AKAP13: variants seen among roughly 807,000 people sequenced by gnomAD.
AKAP13 encodes A-kinase anchoring protein 13, also known as A-kinase anchor protein 13.
A neutral mutation model predicts 264.5 loss-of-function variants in AKAP13; 80 were observed. That is an observed-to-expected ratio of 0.30 (90% CI 0.25 to 0.36). AKAP13 has a LOEUF of 0.36. Among genes scored for constraint, AKAP13 ranks in the 10% least tolerant of loss-of-function variants. The probability of loss-of-function intolerance (pLI) is 1.00; values close to 1 mark genes in which losing one functional copy is unlikely to be tolerated. For missense variants in AKAP13, 3,712 were observed against 3,435.2 expected (o/e 1.08, Z -2.01); for synonymous variants, 1,380 against 1,250.2 (o/e 1.10, Z -2.19).
intron 1 of AKAP13, among the ~76,000 whole-genome samples, chr15:85,457,702 G>A (rs1458833758): frequency 6.6e-6 from 1 of 152,174 alleles, no homozygotes; most frequent in African/African-American, 2.4e-5. Context: ...TGAAGCCTTT[G>A]GTGGAGAAGG....
At chr15:85,392,466 T>G (rs903241274) in intron 1 of AKAP13, among the ~76,000 whole-genome samples, 17 of 151,920 alleles carry the variant, frequency 1.1e-4, no homozygotes, top group South Asian at 6.3e-4. Context: ...TGTTGGCCAG[T>G]ATGGTCTTGA....
intron 10 of AKAP13, among the ~76,000 whole-genome samples, chr15:85,648,998 A>G (rs16942698): frequency 0.12 from 17,584 of 152,212 alleles, 1,244 homozygotes; most frequent in East Asian, 0.21. Flanking sequence ...TTGCTGTACC[A>G]AAGTAGCCTG....
At chr15:85,740,644 T>G (rs1433197055) in intron 34 of AKAP13, 1 of 326,304 alleles carries the variant, frequency 3.1e-6, no homozygotes, top group African/African-American at 2.1e-5. Flanking sequence ...GTTTCGGACT[T>G]CCCAGGAACA....
chr15:85,426,750 C>T (rs1048138406), intron 1 of AKAP13, among the ~76,000 whole-genome samples: 2 of 151,522 alleles, frequency 1.3e-5, no homozygotes, highest in African/African-American at 4.8e-5. Context: ...ACTACCCTAT[C>T]TCTCTGTCTG....
In AKAP13 at chr15:85,747,852, T is replaced by C. The variant is rs1175797952; in HGVS notation, c.*3175T>C. On this transcript the variant is annotated 3_prime_UTR_variant, in exon 37 of 37. Coordinates refer to ENST00000394518, the MANE Select transcript of AKAP13 (RefSeq NM_007200.5). Reference sequence around the variant, plus strand: ...TTTCCCCTTCTGTGTCTCAGGGTAATACTATTCAGAGTCGCCCCTTTGCTC... The same window carrying C: ...TTTCCCCTTCTGTGTCTCAGGGTAACACTATTCAGAGTCGCCCCTTTGCTC... The C allele has an allele frequency of 1.3e-5, 2 of 153,326 alleles. No individual in the cohort carries two copies. Among genetic ancestry groups the C allele is most frequent in the African/African-American group, 4.8e-5 (2 of 41,434 alleles). The allele number at this position is 153,326 out of a possible 1,614,324, so 9.5% of individuals were successfully genotyped here. A position where few individuals can be genotyped will look rare whatever the true frequency, so the allele number is the denominator to read the frequency against.
intron 14 of AKAP13, among the ~76,000 whole-genome samples, chr15:85,672,774 C>G (rs2083996826): frequency 6.6e-6 from 1 of 152,152 alleles, no homozygotes; most frequent in Non-Finnish European, 1.5e-5. Context: ...AAGTCCATAG[C>G]ATATTTTCTG....
chr15:85,630,503 A>G (rs534531445), intron 8 of AKAP13, among the ~76,000 whole-genome samples: 1 of 152,344 alleles, frequency 6.6e-6, no homozygotes, highest in East Asian at 1.9e-4. Flanking sequence ...TAACATTTTC[A>G]CATCTCACAT....
intron 2 of AKAP13, among the ~76,000 whole-genome samples, chr15:85,506,313 C>T (rs1032740657): frequency 1.3e-5 from 2 of 152,042 alleles, no homozygotes; most frequent in Non-Finnish European, 2.9e-5. Flanking sequence ...AGATTGTTTA[C>T]AGAAAGAGAG....
At position 85,745,442 on chromosome 15, in the gene AKAP13, C is replaced by T. The variant is rs11631419; in HGVS notation, c.*765C>T. On this transcript the variant is annotated 3_prime_UTR_variant, in exon 37 of 37. Transcript: ENST00000394518. ...ACAAAACAACCCATAGTATCTCATT[C>T]TGTCATCAGATCCAGAAGAAATATC... The T allele has an allele frequency of 0.45, 68,713 of 152,044 alleles. 17,265 individuals carry two copies. Among genetic ancestry groups the T allele is most frequent in the Middle Eastern group, 0.61 (178 of 290 alleles). 9.4% of individuals were successfully genotyped at this position (152,044 alleles called of 1,614,324 possible).
At chr15:85,674,718 A>G (rs1359323409) in intron 14 of AKAP13, among the ~76,000 whole-genome samples, 1 of 152,168 alleles carries the variant, frequency 6.6e-6, no homozygotes, top group African/African-American at 2.4e-5. Context: ...GTGACCAAAG[A>G]TCAAGGTGGG....
At chr15:85,418,436 G>C (rs1014778017) in intron 1 of AKAP13, among the ~76,000 whole-genome samples, 2 of 152,168 alleles carry the variant, frequency 1.3e-5, no homozygotes, top group African/African-American at 4.8e-5. Context: ...GCACATCTCA[G>C]TTCAGGCTGG....
chr15:85,558,060 A>T (rs1164342388), intron 5 of AKAP13, among the ~76,000 whole-genome samples: 2 of 152,170 alleles, frequency 1.3e-5, no homozygotes, highest in African/African-American at 4.8e-5. Flanking sequence ...ATCTGTGCAC[A>T]TTAAATTTCA....
intron 5 of AKAP13, among the ~76,000 whole-genome samples, chr15:85,552,055 A>G (rs184880559): frequency 5.3e-5 from 8 of 152,350 alleles, no homozygotes; most frequent in Admixed American, 4.6e-4. Flanking sequence ...TAAAACCATT[A>G]TTTGGCTGGA....
rs2073368704 is a variant in AKAP13 at position 85,437,513 on chromosome 15, A to G, written c.-11-48197A>G. 3.3e-5 allele frequency among the ~76,000 whole-genome samples: 5 copies of G among 151,280 alleles called. No individual in the cohort carries two copies. In the South Asian group the frequency reaches 1.0e-3, roughly 32 times the overall value. ...GATACCAAAGCCGGGCAGAGACACA[A>G]CCAAAAAAGAGAATTTTAGACCAAT... On this transcript the variant is annotated intron_variant, in intron 1 of 36. Coordinates refer to ENST00000394518, the MANE Select transcript of AKAP13 (RefSeq NM_007200.5).
At chr15:85,671,638 ATTT>A (rs11321427) in intron 14 of AKAP13, among the ~76,000 whole-genome samples, 5 of 148,634 alleles carry the variant, frequency 3.4e-5, no homozygotes, top group African/African-American at 7.4e-5. Flanking sequence ...GCTTGTTTGG[ATTT>A]TTTTTTTTTT....
At chr15:85,399,017 T>C (rs2071258259) in intron 1 of AKAP13, among the ~76,000 whole-genome samples, 1 of 152,210 alleles carries the variant, frequency 6.6e-6, no homozygotes, top group South Asian at 2.1e-4. Context: ...TACATACATC[T>C]GTGTGTCCTT....
At chr15:85,654,148 T>C (rs541123472) in intron 10 of AKAP13, among the ~76,000 whole-genome samples, 1 of 152,234 alleles carries the variant, frequency 6.6e-6, no homozygotes, top group Admixed American at 6.5e-5. Flanking sequence ...GGACTGATTA[T>C]TTAATGTATG....
At position 85,717,180 on chromosome 15, in the gene AKAP13, T is replaced by C. The variant is rs2087000463; in HGVS notation, c.5736-110T>C. On this transcript the variant is annotated intron_variant, in intron 20 of 36. Transcript: ENST00000394518. The stretch of plus-strand genomic sequence containing the variant: ...ATAAGCAATTTGTCTTCAGTCACTG[T>C]AGTACTTCCAGCCAGTTGTCATTCT... 6.2e-6 allele frequency: 4 copies of C among 647,990 alleles called. No individual in the cohort carries two copies. In the Admixed American group the frequency reaches 1.1e-4, roughly 17 times the overall value. The allele number at this position is 647,990 out of a possible 1,614,324, so 40.1% of individuals were successfully genotyped here. A position where few individuals can be genotyped will look rare whatever the true frequency, so the allele number is the denominator to read the frequency against.
chr15:85,502,141 C>T (rs1489509407), intron 2 of AKAP13, among the ~76,000 whole-genome samples: 1 of 152,128 alleles, frequency 6.6e-6, no homozygotes, highest in Non-Finnish European at 1.5e-5. Flanking sequence ...CTGGTAAGTT[C>T]CCAGGTGATC....
Sources: gnomAD v4.1 joint callset for allele counts (sites outside exome capture counted in the v4.1 genomes callset) on GRCh38, gnomAD v4.1.1 for gene constraint, MANE v1.5 for transcripts, NCBI Gene and HGNC (gene_info 2026-07-23, HGNC 2026-07-21) for gene names.